Variants in SKI observed in about 807,000 individuals in gnomAD.
SKI encodes the protein SKI proto-oncogene.
SKI carries 23 observed loss-of-function variants against 59.3 expected under a neutral mutation model. The observed-to-expected ratio is 0.39, with a 90% CI of 0.28 to 0.55. SKI has a LOEUF of 0.55. Ranked by LOEUF, SKI falls within the 20% of genes least tolerant of loss-of-function variation. The pLI is 0.67. For missense variants in SKI, 1,017 were observed against 1,038.9 expected (o/e 0.98, Z 0.29); for synonymous variants, 673 against 488.6 (o/e 1.38, Z -4.98).
Position 2,267,693 on chromosome 1 carries a change from C to T in SKI, c.970-35285C>T, listed in dbSNP as rs1639529306. Among the ~76,000 whole-genome samples, 1 of 152,166 alleles carries T rather than the reference C, an allele frequency of 6.6e-6. No individual in the cohort carries two copies. The highest frequency in any genetic ancestry group is 1.5e-5 in the Non-Finnish European group (1 of 68,028). ...GGGGGCGCACCACACTTCAGGGATG[C>T]AGCCGGCCTTTGGGCTTCAGGAAAC... is the stretch of plus-strand genomic sequence containing the variant. On this transcript the variant is annotated intron_variant, in intron 1 of 6. Transcript: ENST00000378536. This position sits in a 1 kb window ranked among gnomAD's most constrained non-coding sequence, Gnocchi z 4.1.
intron 1 of SKI, among the ~76,000 whole-genome samples, chr1:2,274,632 G>T (rs1639702173): frequency 6.6e-6 from 1 of 152,254 alleles, no homozygotes; most frequent in African/African-American, 2.4e-5. Context: ...CTGGAAGTGG[G>T]ATTCTAGGCT....
At position 2,307,696 on chromosome 1, in the gene SKI, CT is replaced by C. The variant is rs373398657; in HGVS notation, c.*940del. On this transcript the variant is annotated 3_prime_UTR_variant, in exon 7 of 7. Coordinates refer to ENST00000378536, the MANE Select transcript of SKI (RefSeq NM_003036.4). Reference sequence around the variant, plus strand: ...AAGAGCATTATTTCAATTTTTCTTTCTTTTTTTTTGTTCGTTCATTTAAACG... The same window carrying C: ...AAGAGCATTATTTCAATTTTTCTTTCTTTTTTTTGTTCGTTCATTTAAACG... The C allele has an allele frequency of 2.6e-5, 4 of 152,022 alleles. No homozygotes were observed. The highest frequency in any genetic ancestry group is 4.8e-5 in the African/African-American group (2 of 41,288). 9.4% of individuals were successfully genotyped at this position (152,022 alleles called of 1,614,324 possible).
intron 1 of SKI, among the ~76,000 whole-genome samples, chr1:2,257,995 C>G (rs1463327951): frequency 1.3e-5 from 2 of 152,226 alleles, no homozygotes; most frequent in Admixed American, 6.5e-5. Flanking sequence ...GCCTCAGCCT[C>G]CCAAAGTGCT....
chr1:2,238,770 T>C (rs1638803957), intron 1 of SKI, among the ~76,000 whole-genome samples: 1 of 152,142 alleles, frequency 6.6e-6, no homozygotes, highest in African/African-American at 2.4e-5. Flanking sequence ...ACTCACCGAG[T>C]GAGAGCTGTG....
intron 1 of SKI, chr1:2,248,078 G>A (rs1408449528): frequency 6.6e-6 from 1 of 152,450 alleles, no homozygotes; most frequent in Non-Finnish European, 1.5e-5. Context: ...TGTGGTGAGT[G>A]CGCGGAAGGA....
At chr1:2,306,451 A>AG (rs1487495979) in intron 6 of SKI, 126 bp from the exon 7 acceptor site, 8 of 1,084,676 alleles carry the variant, frequency 7.4e-6, no homozygotes, top group Non-Finnish European at 1.0e-5. Context: ...TAGCAGGTGG[A>AG]GGAGGGGCCG....
At chr1:2,304,227 C>T (rs1289374671) in intron 4 of SKI, 66 bp from the exon 5 acceptor site, 16 of 1,553,862 alleles carry the variant, frequency 1.0e-5, no homozygotes, top group East Asian at 2.4e-5. Context: ...GGGAGCGGCG[C>T]GTCTCCCTGG....
intron 1 of SKI, among the ~76,000 whole-genome samples, chr1:2,260,835 G>A (rs987600868): frequency 1.3e-5 from 2 of 152,104 alleles, no homozygotes; most frequent in Non-Finnish European, 1.5e-5. Context: ...CACTACGTCC[G>A]GCCTCAGTTT....
Position 2,307,060 on chromosome 1 carries a change from A to G in SKI, c.*295A>G, listed in dbSNP as rs1289326786. 2 of 223,634 alleles carry G rather than the reference A, an allele frequency of 8.9e-6. No homozygotes were observed. The highest frequency in any genetic ancestry group is 1.7e-5 in the Non-Finnish European group (2 of 114,794). The allele number at this position is 223,634 out of a possible 1,614,324, so 13.9% of individuals were successfully genotyped here. ...ATTCTAACATTTACACTTTTGTTATAAGCTATTTAAAACCAGTAAGGAGAC... is the reference window on the plus strand; with the variant it reads ...ATTCTAACATTTACACTTTTGTTATGAGCTATTTAAAACCAGTAAGGAGAC... On this transcript the variant is annotated 3_prime_UTR_variant, in exon 7 of 7. Coordinates refer to ENST00000378536, the MANE Select transcript of SKI (RefSeq NM_003036.4).
At position 2,303,618 on chromosome 1, in the gene SKI, TGG is replaced by T. The variant is rs1004196866; in HGVS notation, c.1211+220_1212-219del. The T allele has an allele frequency of 1.4e-5, 10 of 705,160 alleles. No individual in the cohort carries two copies. In the African/African-American group the frequency reaches 1.8e-4, roughly 13 times the overall value. The allele number at this position is 705,160 out of a possible 1,614,324, so 43.7% of individuals were successfully genotyped here. A position where few individuals can be genotyped will look rare whatever the true frequency, so the allele number is the denominator to read the frequency against. On this transcript the variant is annotated intron_variant, in intron 3 of 6. Transcript: ENST00000378536. The surrounding 1 kb of genome is among the most constrained non-coding windows in gnomAD (Gnocchi z 5.6). ...GAGTCGTGGGTGGAGCCCTGTCTGC[TGG>T]GCGCAGCTTCTTGATGTGTTGGCCT...
chr1:2,277,061 G>A lies in SKI; in HGVS notation c.970-25917G>A, dbSNP rs982299134. Among the ~76,000 whole-genome samples, 5 of 152,178 alleles carry A rather than the reference G, an allele frequency of 3.3e-5. No homozygotes were observed. In the East Asian group the frequency reaches 9.6e-4, roughly 29 times the overall value. On this transcript the variant is annotated intron_variant, in intron 1 of 6. Coordinates refer to ENST00000378536, the MANE Select transcript of SKI (RefSeq NM_003036.4). ...GGAGCTGGGATTCCTCTCATTTGGGGCTGTAGGAAGGGGTCTTTCCTCTCT... is the reference window on the plus strand; with the variant it reads ...GGAGCTGGGATTCCTCTCATTTGGGACTGTAGGAAGGGGTCTTTCCTCTCT...
At chr1:2,235,376 C>T (rs563751446) in intron 1 of SKI, among the ~76,000 whole-genome samples, 6 of 152,294 alleles carry the variant, frequency 3.9e-5, no homozygotes, top group South Asian at 2.1e-4. Context: ...AAGGCATCCC[C>T]GGGGTCTGCG....
chr1:2,285,005 C>G (rs1172275021), intron 1 of SKI, among the ~76,000 whole-genome samples: 1 of 152,126 alleles, frequency 6.6e-6, no homozygotes, highest in African/African-American at 2.4e-5. Flanking sequence ...CCTTTTTGTT[C>G]TTGCTAAAGT....
chr1:2,288,054 T>A (rs1329830078), intron 1 of SKI, among the ~76,000 whole-genome samples: 1 of 151,934 alleles, frequency 6.6e-6, no homozygotes. Flanking sequence ...AATGGCACGA[T>A]CTCGGCTCAC....
At chr1:2,295,033 G>A (rs1420795149) in intron 1 of SKI, among the ~76,000 whole-genome samples, 2 of 152,266 alleles carry the variant, frequency 1.3e-5, no homozygotes, top group African/African-American at 2.4e-5. Flanking sequence ...GGCTCAGATG[G>A]AGCTTTCTGT....
intron 1 of SKI, among the ~76,000 whole-genome samples, chr1:2,271,721 G>GT (rs1557831872): frequency 1.3e-5 from 2 of 151,622 alleles, no homozygotes; most frequent in Admixed American, 6.6e-5. Context: ...GGTCCCCTGG[G>GT]GGGGGGTAGG....
chr1:2,249,141 C>T (rs575032096), intron 1 of SKI, among the ~76,000 whole-genome samples: 2 of 152,324 alleles, frequency 1.3e-5, no homozygotes, highest in East Asian at 3.9e-4. Flanking sequence ...ATGGTCGGCT[C>T]TGAGTTGGAG....
At chr1:2,306,402 G>A (rs1640579985) in intron 6 of SKI, 152 bp downstream of exon 6, 2 of 996,648 alleles carry the variant, frequency 2.0e-6, no homozygotes, top group Non-Finnish European at 2.9e-6. Flanking sequence ...GGCACAGGGT[G>A]GGTGGTTGCT....
rs566906261 is a variant in SKI at position 2,229,219 on chromosome 1, G to A, written c.453G>A (p.Ser151=). ...AVCDELHIYC[S]RCTADQLEIL... The stretch of plus-strand genomic sequence containing the variant: ...GCGACGAGCTCCACATCTACTGCTC[G>A]CGCTGCACGGCCGACCAGCTGGAGA... Residue 151 remains serine (S), a synonymous_variant, in exon 1 of 7, where the codon TCG becomes TCA. Coordinates refer to ENST00000378536, the MANE Select transcript of SKI (RefSeq NM_003036.4). The surrounding 1 kb of genome is among the most constrained non-coding windows in gnomAD (Gnocchi z 6.3). 6.2e-7 allele frequency: 1 copy of A among 1,608,482 alleles called. No homozygotes were observed. The highest frequency in any genetic ancestry group is 2.2e-5 in the East Asian group (1 of 44,648).
Sources: allele counts gnomAD v4.1 joint callset (sites outside exome capture counted in the v4.1 genomes callset), GRCh38; gene constraint gnomAD v4.1.1; non-coding constraint Gnocchi (gnomAD v3.1); transcripts MANE v1.5; gene names NCBI Gene and HGNC (gene_info 2026-07-23, HGNC 2026-07-21).